Variants in SMARCAL1 observed in about 807,000 individuals in gnomAD.
SMARCAL1 encodes the protein SNF2 related chromatin remodeling annealing helicase 1, also known as ATP-driven annealing helicase.
In SMARCAL1, 58 loss-of-function variants were observed where a neutral mutation model predicts 94.5. The observed-to-expected ratio is 0.61, with a 90% CI of 0.50 to 0.76. The LOEUF (loss-of-function observed/expected upper bound fraction) is 0.76, where lower values mean the gene tolerates loss of function less well. SMARCAL1 is among the 30% of genes least tolerant of loss of function. SMARCAL1 has a pLI of 0.00. For missense variants in SMARCAL1, 1,051 were observed against 1,177.9 expected (o/e 0.89, Z 1.58); for synonymous variants, 422 against 455.1 (o/e 0.93, Z 0.93).
At chr2:216,448,107 A>G (rs1694358954) in intron 11 of SMARCAL1, among the ~76,000 whole-genome samples, 1 of 152,248 alleles carries the variant, frequency 6.6e-6, no homozygotes, top group Non-Finnish European at 1.5e-5. Context: ...TATAATGGAA[A>G]TTGTAGTCCT....
At chr2:216,481,677 G>A (rs932325428) in intron 17 of SMARCAL1, among the ~76,000 whole-genome samples, 8 of 151,486 alleles carry the variant, frequency 5.3e-5, no homozygotes, top group African/African-American at 1.9e-4. Context: ...CTAATTTTTT[G>A]TATTTTTAGT....
chr2:216,428,519 A>G (rs1389565947), intron 6 of SMARCAL1, 77 bp from the exon 7 acceptor site: 5 of 1,398,204 alleles, frequency 3.6e-6, no homozygotes, highest in African/African-American at 1.4e-5. Flanking sequence ...GGAAATATAT[A>G]TATCCCAAAG....
chr2:216,464,486 C>G, intron 12 of SMARCAL1, 111 bp from the exon 13 acceptor site: 1 of 845,972 alleles, frequency 1.2e-6, no homozygotes, highest in Non-Finnish European at 2.1e-6. Context: ...TCTCCTGACT[C>G]TGGTGACGGG....
chr2:216,482,687 G>A lies in SMARCAL1; in HGVS notation c.2626-51G>A. On this transcript the variant is annotated intron_variant, in intron 17 of 17. Coordinates refer to ENST00000357276, the MANE Select transcript of SMARCAL1 (RefSeq NM_014140.4). This position sits in a 1 kb window ranked among gnomAD's most constrained non-coding sequence, Gnocchi z 4.3. ...TCAGCCCTAGTGGAGGAGAGTCAGT[G>A]TTGGAGCCTGGGCTCTTCCTTTTAT... The A allele has an allele frequency of 6.2e-7, 1 of 1,613,930 alleles. No homozygotes were observed. The highest frequency in any genetic ancestry group is 8.5e-7 in the Non-Finnish European group (1 of 1,179,880).
rs1200718606 is a variant in SMARCAL1 at position 216,415,368 on chromosome 2, C to T, written c.664C>T (p.Leu222Phe). 1 of 1,614,096 alleles carries T rather than the reference C, an allele frequency of 6.2e-7. No individual in the cohort carries two copies. The highest frequency in any genetic ancestry group is 1.7e-5 in the Admixed American group (1 of 60,012). ...ESVTPRTEGR[L>F]QQKSGSSVQK... is the part of the protein sequence containing the mutation. ...TGTAACGCCCAGGACAGAAGGAAGA[C>T]TCCAGCAGAAGTCAGGGTCCTCAGT... is the stretch of plus-strand genomic sequence containing the variant. The change falls in exon 3 of 18, where the codon CTC becomes TTC. Residue 222 changes from leucine to phenylalanine, a missense_variant. Physicochemically the swap from Leu to Phe is conservative, Grantham distance 22. Around this residue, in one of 3 missense-constraint regions of SMARCAL1, gnomAD observed 398 missense variants for 395.2 expected, o/e 1.01. Coordinates refer to ENST00000357276, the MANE Select transcript of SMARCAL1 (RefSeq NM_014140.4).
chr2:216,438,519 T>C (rs1282012572), intron 10 of SMARCAL1, 34 bp downstream of exon 10: 3 of 1,585,362 alleles, frequency 1.9e-6, no homozygotes, highest in South Asian at 2.2e-5. Context: ...CCACTGAGCA[T>C]TGGCATCCCA....
chr2:216,448,653 T>G (rs566225057), intron 11 of SMARCAL1, among the ~76,000 whole-genome samples: 4 of 152,224 alleles, frequency 2.6e-5, no homozygotes, highest in South Asian at 4.2e-4. Context: ...CTTGTTGGAT[T>G]GTGACTATCC....
rs756906652 is a variant in SMARCAL1, at chr2:216,482,764, C to T, written c.2652C>T (p.Asp884=). The T allele has an allele frequency of 6.2e-7, 1 of 1,614,170 alleles. No individual in the cohort carries two copies. The highest frequency in any genetic ancestry group is 2.2e-5 in the East Asian group (1 of 44,878). Residue 884 remains aspartate, a synonymous_variant, in exon 18 of 18, where the codon GAC becomes GAT. Coordinates refer to ENST00000357276, the MANE Select transcript of SMARCAL1 (RefSeq NM_014140.4). This position sits in a 1 kb window ranked among gnomAD's most constrained non-coding sequence, Gnocchi z 4.3. The part of the protein sequence containing the change: ...YKDPKQQKIY[D]LFQKSFEKEG... ...ACCCAAAGCAGCAGAAGATCTACGA[C>T]CTATTCCAGAAGTCCTTTGAGAAAG...
chr2:216,439,324 T>TGG (rs3836031), intron 10 of SMARCAL1, among the ~76,000 whole-genome samples: 6 of 150,570 alleles, frequency 4.0e-5, no homozygotes, highest in Middle Eastern at 3.4e-3. Context: ...CCTTCCATTA[T>TGG]GGGGGGGGGG....
intron 3 of SMARCAL1, 126 bp from the exon 4 acceptor site, chr2:216,416,131 C>T: frequency 1.3e-6 from 1 of 783,246 alleles, no homozygotes; most frequent in South Asian, 1.4e-5. Flanking sequence ...TTTTATAGAT[C>T]AGTGGGGGCT....
At chr2:216,435,951 CTG>C (rs1694073197) in intron 9 of SMARCAL1, among the ~76,000 whole-genome samples, 1 of 152,102 alleles carries the variant, frequency 6.6e-6, no homozygotes, top group Non-Finnish European at 1.5e-5. Flanking sequence ...TTTACTCTAA[CTG>C]TTTTTTGGAG....
rs865870065 is a variant in SMARCAL1, at chr2:216,420,043, A to G, written c.863-256A>G. 6.2e-4 allele frequency among the ~76,000 whole-genome samples: 92 copies of G among 148,604 alleles called. 1 individual carries two copies. Among genetic ancestry groups the G allele is most frequent in the African/African-American group, 2.1e-3 (85 of 40,010 alleles). ...GACCCCGTCTCAAAAAAAAAAAAAA[A>G]AAAAGAAAAAAAAAAAAGAAAAACT... On this transcript the variant is annotated intron_variant, in intron 4 of 17. Transcript: ENST00000357276.
At chr2:216,425,686 G>C (rs1032725187) in intron 6 of SMARCAL1, among the ~76,000 whole-genome samples, 1 of 152,186 alleles carries the variant, frequency 6.6e-6, no homozygotes, top group Admixed American at 6.5e-5. Flanking sequence ...GGGTTTTATT[G>C]AGCAACAGAA....
Position 216,447,030 on chromosome 2 carries a change from G to A in SMARCAL1, c.1723G>A (p.Val575Met), listed in dbSNP as rs2106050197. ...GTTTGTCTTTTAGGTTGCCAAGAGG[G>A]TGATCCTGTTGTCGGGCACACCAGC... ...AMPVLKVAKR[V>M]ILLSGTPAMS... The change falls in exon 11 of 18, where the codon GTG becomes ATG. Residue 575 changes from valine (V) to methionine (M), a missense_variant. By Grantham distance (21) the Val-to-Met change is conservative. Coordinates refer to ENST00000357276, the MANE Select transcript of SMARCAL1 (RefSeq NM_014140.4). 6.2e-7 allele frequency: 1 copy of A among 1,613,996 alleles called. No individual in the cohort carries two copies. Among genetic ancestry groups the A allele is most frequent in the Non-Finnish European group, 8.5e-7 (1 of 1,180,026 alleles).
At chr2:216,429,490 C>A (rs1178004290) in intron 7 of SMARCAL1, among the ~76,000 whole-genome samples, 1 of 152,122 alleles carries the variant, frequency 6.6e-6, no homozygotes, top group Non-Finnish European at 1.5e-5. Flanking sequence ...TCCAGAGTTT[C>A]TTGGGAGAAG....
chr2:216,420,028 CAA>C (rs60555710), intron 4 of SMARCAL1, among the ~76,000 whole-genome samples: 11 of 40,184 alleles, frequency 2.7e-4, no homozygotes, highest in East Asian at 1.0e-3. Context: ...GACCCCGTCT[CAA>C]AAAAAAAAAA....
chr2:216,473,930 G>A (rs1296155079), intron 14 of SMARCAL1, among the ~76,000 whole-genome samples: 4 of 152,086 alleles, frequency 2.6e-5, no homozygotes, highest in Non-Finnish European at 4.4e-5. Flanking sequence ...CCCCAAACTG[G>A]AATCAACTCA....
At chr2:216,480,378 C>A (rs1472165954) in intron 17 of SMARCAL1, among the ~76,000 whole-genome samples, 1 of 152,214 alleles carries the variant, frequency 6.6e-6, no homozygotes, top group Non-Finnish European at 1.5e-5. Context: ...TTGGAACTCG[C>A]TTCCAATTAA....
chr2:216,429,713 G>T (rs1026839822), intron 7 of SMARCAL1, among the ~76,000 whole-genome samples: 7 of 151,962 alleles, frequency 4.6e-5, no homozygotes, highest in Non-Finnish European at 8.8e-5. Context: ...TGGTATTTTG[G>T]TGAAAGCTTG....
Sources: allele counts gnomAD v4.1 joint callset (sites outside exome capture counted in the v4.1 genomes callset), GRCh38; gene constraint gnomAD v4.1.1; regional missense constraint gnomAD v4.1.1; non-coding constraint Gnocchi (gnomAD v3.1); transcripts MANE v1.5; gene names NCBI Gene and HGNC (gene_info 2026-07-23, HGNC 2026-07-21).